Variants in CPNE5 observed in about 807,000 individuals in gnomAD.
The protein encoded by CPNE5 is copine-5.
CPNE5 carries 42 observed loss-of-function variants against 81.1 expected under a neutral mutation model. The ratio of observed to expected loss-of-function variants is 0.52; its 90% CI spans 0.40 to 0.67. The LOEUF (loss-of-function observed/expected upper bound fraction) is 0.67. Among genes scored for constraint, CPNE5 ranks in the 30% least tolerant of loss-of-function variants. The pLI is 0.00. For synonymous variants in CPNE5, 313 were observed against 321.5 expected (o/e 0.97, Z 0.28); for missense variants, 612 against 815.5 (o/e 0.75, Z 3.04).
intron 8 of CPNE5, among the ~76,000 whole-genome samples, chr6:36,788,480 G>C (rs1403122374): frequency 6.6e-6 from 1 of 152,096 alleles, no homozygotes; most frequent in Non-Finnish European, 1.5e-5. Context: ...CAAGGCCTGA[G>C]CTAGAATCCC....
At chr6:36,832,835 C>A (rs236358) in intron 1 of CPNE5, among the ~76,000 whole-genome samples, 71,045 of 151,868 alleles carry the variant, frequency 0.47, 18,270 homozygotes, top group African/African-American at 0.69. Context: ...CAAGGGTAGA[C>A]CATCTCGAGT....
intron 9 of CPNE5, among the ~76,000 whole-genome samples, chr6:36,778,255 C>T (rs1212240032): frequency 6.6e-6 from 1 of 152,184 alleles, no homozygotes; most frequent in Non-Finnish European, 1.5e-5. Context: ...CATTTGCCAA[C>T]ATGTTGTGTA....
intron 10 of CPNE5, among the ~76,000 whole-genome samples, chr6:36,773,902 C>G (rs549796841): frequency 6.6e-6 from 1 of 152,000 alleles, no homozygotes; most frequent in African/African-American, 2.4e-5. Context: ...CCATGTCCAC[C>G]AAAAACACAA....
chr6:36,839,244 A>C lies in CPNE5; in HGVS notation c.95+39T>G. The C allele has an allele frequency of 6.9e-7, 1 of 1,439,058 alleles. No individual in the cohort carries two copies. Among genetic ancestry groups the C allele is most frequent in the Non-Finnish European group, 9.4e-7 (1 of 1,064,386 alleles). The allele number at this position is 1,439,058 out of a possible 1,614,324, so 89.1% of individuals were successfully genotyped here. On this transcript the variant is annotated intron_variant, in intron 1 of 20. Coordinates refer to ENST00000244751, the MANE Select transcript of CPNE5 (RefSeq NM_020939.2). This position sits in a 1 kb window ranked among gnomAD's most constrained non-coding sequence, Gnocchi z 7.3. ...GCAGGGGCCGCGGGGCTCTGCGTCC[A>C]GGGCCGGGGCAAGGGGACCCGGCCA...
At chr6:36,829,976 G>A (rs1304387882) in intron 1 of CPNE5, among the ~76,000 whole-genome samples, 4 of 152,052 alleles carry the variant, frequency 2.6e-5, no homozygotes, top group African/African-American at 2.4e-5. Flanking sequence ...AAATGGAGTG[G>A]GAGAGAGATG....
At chr6:36,789,101 G>T (rs1768864521) in intron 8 of CPNE5, among the ~76,000 whole-genome samples, 3 of 152,192 alleles carry the variant, frequency 2.0e-5, no homozygotes, top group Admixed American at 2.0e-4. Context: ...CCAGATGCTG[G>T]GAATTAGTCT....
intron 8 of CPNE5, among the ~76,000 whole-genome samples, chr6:36,785,960 C>A (rs116395541): frequency 0.012 from 1,805 of 147,576 alleles, 38 homozygotes; most frequent in African/African-American, 0.038. Context: ...TTGTAGTCAG[C>A]CGAGACCGTG....
At chr6:36,765,528 A>T in intron 10 of CPNE5, 152 bp from the exon 11 acceptor site, 1 of 827,528 alleles carries the variant, frequency 1.2e-6, no homozygotes, top group Non-Finnish European at 1.9e-6. Flanking sequence ...CTTGAGAGAC[A>T]AGGATCTCTC....
At chr6:36,762,227 C>CAAA (rs57426698) in intron 12 of CPNE5, among the ~76,000 whole-genome samples, 1,644 of 122,842 alleles carry the variant, frequency 0.013, 31 homozygotes, top group African/African-American at 0.038. Context: ...GGCCCTGTCT[C>CAAA]AAAAAAAAAA....
intron 18 of CPNE5, chr6:36,744,540 G>A (rs1412524202): frequency 1.7e-6 from 1 of 593,846 alleles, no homozygotes; most frequent in East Asian, 2.8e-5. Flanking sequence ...GAGGAGAGAG[G>A]GAGGGTGGCA....
chr6:36,755,299 G>T (rs1335450146), intron 13 of CPNE5: 2 of 152,222 alleles, frequency 1.3e-5, no homozygotes, highest in Non-Finnish European at 2.9e-5. Flanking sequence ...AACACAGAGA[G>T]GATGAATCTG....
At chr6:36,784,548 G>T (rs958357284) in intron 8 of CPNE5, among the ~76,000 whole-genome samples, 4 of 152,228 alleles carry the variant, frequency 2.6e-5, no homozygotes, top group Admixed American at 6.5e-5. Flanking sequence ...AAGATGGACA[G>T]GGCCAGCAGG....
chr6:36,763,028 G>C, intron 11 of CPNE5, 36 bp from the exon 12 acceptor site: 1 of 1,580,324 alleles, frequency 6.3e-7, no homozygotes, highest in Non-Finnish European at 8.7e-7. Flanking sequence ...CCAAGGCCAG[G>C]CTGTGCCCTG....
At chr6:36,784,985 A>G (rs909630344) in intron 8 of CPNE5, among the ~76,000 whole-genome samples, 20 of 152,070 alleles carry the variant, frequency 1.3e-4, no homozygotes, top group African/African-American at 4.6e-4. Flanking sequence ...CATTCCCACC[A>G]GAAACATCAC....
intron 3 of CPNE5, among the ~76,000 whole-genome samples, chr6:36,801,535 T>A (rs533911073): frequency 1.9e-4 from 29 of 152,296 alleles, no homozygotes; most frequent in African/African-American, 6.5e-4. Flanking sequence ...AGTAGACATT[T>A]TGAGCAAAAT....
upstream of CPNE5, chr6:36,839,511 G>A (rs1168473351): frequency 7.7e-6 from 5 of 652,908 alleles, no homozygotes; most frequent in African/African-American, 3.8e-5. This position sits in a 1 kb window ranked among gnomAD's most constrained non-coding sequence, Gnocchi z 7.3. Flanking sequence ...AGAGGAGCGC[G>A]AAGAGGGGGC....
intron 3 of CPNE5, among the ~76,000 whole-genome samples, chr6:36,808,727 C>T (rs187743273): frequency 4.1e-4 from 62 of 152,294 alleles, no homozygotes; most frequent in African/African-American, 1.4e-3. Context: ...CTGATAGTAA[C>T]CCTCACAGAG....
intron 1 of CPNE5, among the ~76,000 whole-genome samples, chr6:36,837,847 T>A (rs921526457): frequency 1.3e-5 from 2 of 151,860 alleles, no homozygotes; most frequent in African/African-American, 4.8e-5. Context: ...GGCGCAGGGA[T>A]GTGCGTGCAG....
chr6:36,792,174 C>T, intron 7 of CPNE5, 78 bp from the exon 8 acceptor site: 1 of 1,401,240 alleles, frequency 7.1e-7, no homozygotes, highest in Non-Finnish European at 1.0e-6. Flanking sequence ...CAATCAGCCC[C>T]CTGCCCATCC....
Sources: gnomAD v4.1 joint callset for allele counts (sites outside exome capture counted in the v4.1 genomes callset) on GRCh38, gnomAD v4.1.1 for gene constraint, Gnocchi (gnomAD v3.1) non-coding constraint, MANE v1.5 for transcripts, NCBI Gene and HGNC (gene_info 2026-07-23, HGNC 2026-07-21) for gene names.